The following SH3PXD2A variants were observed in gnomAD, a reference collection of about 807,000 sequenced individuals.
SH3PXD2A encodes SH3 and PX domain-containing protein 2A.
SH3PXD2A carries 32 observed loss-of-function variants against 115.2 expected under a neutral mutation model. The ratio of observed to expected loss-of-function variants is 0.28; its 90% CI spans 0.21 to 0.37. SH3PXD2A has a LOEUF of 0.37. Ranked by LOEUF, SH3PXD2A falls within the 10% of genes least tolerant of loss-of-function variation. The pLI is 1.00. For synonymous variants in SH3PXD2A, 610 were observed against 629.1 expected, an observed-to-expected ratio of 0.97 and a Z score of 0.45; for missense variants, 1,328 against 1,498.7, an observed-to-expected ratio of 0.89 and a Z score of 1.88.
intron 3 of SH3PXD2A, among the ~76,000 whole-genome samples, chr10:103,763,912 A>G (rs10736161): frequency 0.57 from 85,971 of 152,104 alleles, 24,796 homozygotes; most frequent in African/African-American, 0.69. Context: ...GGGATCAGGC[A>G]GAGGCTAGAC....
intron 4 of SH3PXD2A, among the ~76,000 whole-genome samples, chr10:103,732,847 G>A (rs1007052085): frequency 2.6e-5 from 4 of 152,204 alleles, no homozygotes; most frequent in Non-Finnish European, 5.9e-5. Context: ...AGGTCTGGCC[G>A]TGGAGCGGAC....
chr10:103,693,931 T>C (rs2037793016), intron 5 of SH3PXD2A, among the ~76,000 whole-genome samples: 1 of 152,186 alleles, frequency 6.6e-6, no homozygotes, highest in Non-Finnish European at 1.5e-5. Context: ...TCCGTTTACC[T>C]GCCCTGCCCT....
Position 103,598,338 on chromosome 10 carries a change from T to C in SH3PXD2A, c.*3478A>G, listed in dbSNP as rs2036163543. On this transcript the variant is annotated 3_prime_UTR_variant, in exon 15 of 15. Coordinates refer to ENST00000369774, the MANE Select transcript of SH3PXD2A (RefSeq NM_001394015.1). ...AAGTCCCATGGCCTGGTGAGAATAGTGAGGAGGAGAGGGGCAACACAGCCA... is the reference window on the plus strand; with the variant it reads ...AAGTCCCATGGCCTGGTGAGAATAGCGAGGAGGAGAGGGGCAACACAGCCA... The C allele has an allele frequency of 6.6e-6, 1 of 151,768 alleles. No homozygotes were observed. Among genetic ancestry groups the C allele is most frequent in the Non-Finnish European group, 1.5e-5 (1 of 67,870 alleles). The allele number at this position is 151,768 out of a possible 1,614,324, so 9.4% of individuals were successfully genotyped here.
chr10:103,775,718 T>C (rs2038870866), intron 2 of SH3PXD2A, among the ~76,000 whole-genome samples: 1 of 152,144 alleles, frequency 6.6e-6, no homozygotes, highest in African/African-American at 2.4e-5. Flanking sequence ...TTCCAGCGAC[T>C]TGAGGATGAC....
chr10:103,671,637 T>C (rs1460785451), intron 6 of SH3PXD2A, among the ~76,000 whole-genome samples: 2 of 152,138 alleles, frequency 1.3e-5, no homozygotes, highest in Non-Finnish European at 2.9e-5. Context: ...TTCTCCCTCA[T>C]TACAATGAAC....
rs780930094 is a variant in SH3PXD2A, at chr10:103,612,865, G to A, written c.1246C>T (p.Arg416Trp). Residue 416 changes from arginine (R) to tryptophan (W), a missense_variant, in exon 12 of 15, where the codon CGG (arginine) becomes TGG (tryptophan). Physicochemically the swap from Arg to Trp is moderately radical, Grantham distance 101. Around this residue, in one of 5 missense-constraint regions of SH3PXD2A, gnomAD observed 509 missense variants for 628.3 expected, o/e 0.81. Transcript: ENST00000369774. ...GCGAGGCTCTTACTGATCTGGGCCC[G>A]CTGAGGGGCAATCCTGGCCACAGCT... ...SPAVARIAPQ[R>W]AQISSPNLRT... 9 of 1,565,236 alleles carry A rather than the reference G, an allele frequency of 5.7e-6. No homozygotes were observed. The highest frequency in any genetic ancestry group is 4.1e-5 in the African/African-American group (3 of 73,120).
chr10:103,712,294 AT>A (rs2038055958), intron 5 of SH3PXD2A, among the ~76,000 whole-genome samples: 1 of 152,224 alleles, frequency 6.6e-6, no homozygotes, highest in Non-Finnish European at 1.5e-5. Context: ...TCCGGGCCAC[AT>A]GTCCTGGGTG....
At chr10:103,688,557 G>T (rs144860664) in intron 6 of SH3PXD2A, among the ~76,000 whole-genome samples, 1 of 152,342 alleles carries the variant, frequency 6.6e-6, no homozygotes, top group African/African-American at 2.4e-5. Flanking sequence ...ATCTTAAGGA[G>T]CCAGCCATGT....
chr10:103,795,942 G>A lies in SH3PXD2A; in HGVS notation c.153+5340C>T, dbSNP rs145880759. 6.8e-3 allele frequency among the ~76,000 whole-genome samples: 1,019 copies of A among 150,074 alleles called. 9 individuals carry two copies. The highest frequency in any genetic ancestry group is 8.8e-3 in the Non-Finnish European group (597 of 67,514). On this transcript the variant is annotated intron_variant, in intron 2 of 14. Coordinates refer to ENST00000369774, the MANE Select transcript of SH3PXD2A (RefSeq NM_001394015.1). Reference sequence around the variant, plus strand: ...AGGAAGGAAGGAAGGCAGGAAGGAAGGAAGGAAGGAAGGAAACCAGAGACA... The same window carrying A: ...AGGAAGGAAGGAAGGCAGGAAGGAAAGAAGGAAGGAAGGAAACCAGAGACA...
chr10:103,843,816 T>C (rs1022539098), intron 1 of SH3PXD2A, among the ~76,000 whole-genome samples: 4 of 152,180 alleles, frequency 2.6e-5, no homozygotes, highest in Non-Finnish European at 5.9e-5. Context: ...GCTCCCACTG[T>C]TGCTGCCAGT....
intron 3 of SH3PXD2A, among the ~76,000 whole-genome samples, chr10:103,755,576 G>A (rs1267009285): frequency 6.6e-6 from 1 of 152,134 alleles, no homozygotes; most frequent in Non-Finnish European, 1.5e-5. Context: ...GCTGAGTTGG[G>A]ATTTGAACCC....
chr10:103,793,945 T>G (rs551466499), intron 2 of SH3PXD2A, among the ~76,000 whole-genome samples: 6 of 152,166 alleles, frequency 3.9e-5, no homozygotes, highest in Non-Finnish European at 5.9e-5. Context: ...ATAAATTTAA[T>G]GAATAGAAAA....
intron 5 of SH3PXD2A, among the ~76,000 whole-genome samples, chr10:103,706,197 C>T (rs765091270): frequency 1.3e-5 from 2 of 152,114 alleles, no homozygotes; most frequent in South Asian, 4.2e-4. Context: ...CTGTGGTTTC[C>T]GATGGTGATG....
At chr10:103,686,893 C>A (rs995792798) in intron 6 of SH3PXD2A, among the ~76,000 whole-genome samples, 2 of 151,926 alleles carry the variant, frequency 1.3e-5, no homozygotes, top group Admixed American at 6.6e-5. Context: ...ATTACAAGCA[C>A]CCGCCACCAC....
chr10:103,598,338 TGAG>T lies in SH3PXD2A; in HGVS notation c.*3475_*3477del, dbSNP rs1244227849. ...AAGTCCCATGGCCTGGTGAGAATAGTGAGGAGGAGAGGGGCAACACAGCCAGGT... is the reference window on the plus strand; with the variant it reads ...AAGTCCCATGGCCTGGTGAGAATAGTGAGGAGAGGGGCAACACAGCCAGGT... On this transcript the variant is annotated 3_prime_UTR_variant, in exon 15 of 15. Coordinates refer to ENST00000369774, the MANE Select transcript of SH3PXD2A (RefSeq NM_001394015.1). 5 of 151,768 alleles carry T rather than the reference TGAG, an allele frequency of 3.3e-5. No individual in the cohort carries two copies. The highest frequency in any genetic ancestry group is 9.7e-5 in the African/African-American group (4 of 41,176). The allele number at this position is 151,768 out of a possible 1,614,324, so 9.4% of individuals were successfully genotyped here.
At chr10:103,615,545 G>A (rs192381995) in intron 11 of SH3PXD2A, among the ~76,000 whole-genome samples, 1,352 of 133,130 alleles carry the variant, frequency 0.01, 15 homozygotes, top group Non-Finnish European at 0.014. Context: ...GGTTGGGGGA[G>A]GAGAAGAAAG....
In SH3PXD2A at chr10:103,599,057, C is replaced by T. The variant is rs2036178490; in HGVS notation, c.*2759G>A. ...ATGTCACAATGTAAACATGACCACACAATAAACTATAATGGCAGTGAGGAG... is the reference window on the plus strand; with the variant it reads ...ATGTCACAATGTAAACATGACCACATAATAAACTATAATGGCAGTGAGGAG... On this transcript the variant is annotated 3_prime_UTR_variant, in exon 15 of 15. Transcript: ENST00000369774. The T allele has an allele frequency of 6.6e-6, 1 of 152,446 alleles. No individual in the cohort carries two copies. The highest frequency in any genetic ancestry group is 2.4e-5 in the African/African-American group (1 of 41,370). The allele number at this position is 152,446 out of a possible 1,614,324, so 9.4% of individuals were successfully genotyped here.
intron 1 of SH3PXD2A, among the ~76,000 whole-genome samples, chr10:103,832,450 T>C (rs2039491539): frequency 6.6e-6 from 1 of 151,462 alleles, no homozygotes. Flanking sequence ...ACTCTCTAAA[T>C]AATATCTAAA....
intron 4 of SH3PXD2A, among the ~76,000 whole-genome samples, chr10:103,730,232 CT>C (rs67561170): frequency 0.089 from 10,561 of 118,188 alleles, 340 homozygotes; most frequent in South Asian, 0.15. Context: ...TTTCTCGTTT[CT>C]TTTTTTTTTT....
Sources: allele counts gnomAD v4.1 joint callset (sites outside exome capture counted in the v4.1 genomes callset), GRCh38; gene constraint gnomAD v4.1.1; regional missense constraint gnomAD v4.1.1; transcripts MANE v1.5; gene names NCBI Gene and HGNC (gene_info 2026-07-23, HGNC 2026-07-21).